Variants in NECTIN3 observed in about 807,000 individuals in gnomAD.
The protein encoded by NECTIN3 is nectin-3.
Under a neutral mutation model 49.4 loss-of-function variants are expected in NECTIN3, and 8 were observed. The ratio of observed to expected loss-of-function variants is 0.16; its 90% CI spans 0.10 to 0.29. The LOEUF (loss-of-function observed/expected upper bound fraction) is 0.29, where lower values mean the gene tolerates loss of function less well. Ranked by LOEUF, NECTIN3 falls within the 10% of genes least tolerant of loss-of-function variation. NECTIN3 has a pLI of 1.00. For missense variants in NECTIN3, 581 were observed against 654.6 expected (o/e 0.89, Z 1.23); for synonymous variants, 277 against 241.1 (o/e 1.15, Z -1.38).
At chr3:111,161,416 A>G (rs772234403) in intron 7 of NECTIN3, among the ~76,000 whole-genome samples, 15 of 152,246 alleles carry the variant, frequency 9.9e-5, no homozygotes, top group African/African-American at 2.9e-4. Context: ...TATATTTCAC[A>G]CAGAATTGGT....
chr3:111,149,148 A>T (rs1360197765), intron 7 of NECTIN3, among the ~76,000 whole-genome samples: 1 of 152,128 alleles, frequency 6.6e-6, no homozygotes, highest in Non-Finnish European at 1.5e-5. Flanking sequence ...ATAAATTCTC[A>T]TACATATTAG....
At position 111,072,706 on chromosome 3, in the gene NECTIN3, C is replaced by G. The variant is rs185746735; in HGVS notation, c.160+529C>G. 61 of 880,726 alleles carry G rather than the reference C, an allele frequency of 6.9e-5. 1 individual carries two copies. The highest frequency in any genetic ancestry group is 4.1e-4 in the Admixed American group (17 of 41,024). The allele number at this position is 880,726 out of a possible 1,614,324, so 54.6% of individuals were successfully genotyped here. ...TCCCCTACAGCTAGTTTTCTTCTGT[C>G]TTGTGCCCACTCCCCCGGCTCTGCC... On this transcript the variant is annotated intron_variant, in intron 1 of 5. Coordinates refer to ENST00000485303, the MANE Select transcript of NECTIN3 (RefSeq NM_015480.3).
At chr3:111,091,893 G>A (rs1346360272) in intron 1 of NECTIN3, among the ~76,000 whole-genome samples, 1 of 152,142 alleles carries the variant, frequency 6.6e-6, no homozygotes, top group Non-Finnish European at 1.5e-5. Context: ...TTCCAAAGGG[G>A]CTATACCATT....
upstream of NECTIN3, among the ~76,000 whole-genome samples, chr3:111,188,837 G>A (rs774509319): frequency 5.3e-5 from 8 of 151,970 alleles, no homozygotes; most frequent in African/African-American, 1.5e-4. Context: ...TTTATTTTCC[G>A]GTCATGTTAA....
chr3:111,106,705 A>G (rs547488650), intron 1 of NECTIN3, among the ~76,000 whole-genome samples: 37 of 152,324 alleles, frequency 2.4e-4, no homozygotes, highest in African/African-American at 8.4e-4. Context: ...TTACCTTGCT[A>G]GTTTGTTAAT....
chr3:111,102,038 C>T (rs2032933350), intron 1 of NECTIN3, among the ~76,000 whole-genome samples: 1 of 152,142 alleles, frequency 6.6e-6, no homozygotes, highest in African/African-American at 2.4e-5. Context: ...GCAAATGATA[C>T]TGTCCCTTAT....
intron 5 of NECTIN3, among the ~76,000 whole-genome samples, chr3:111,126,624 A>G (rs1186665730): frequency 2.6e-5 from 4 of 152,158 alleles, no homozygotes; most frequent in Non-Finnish European, 5.9e-5. Flanking sequence ...TTTCTTTAAT[A>G]CATAGTATGA....
chr3:111,094,874 G>A (rs547444183), intron 1 of NECTIN3, among the ~76,000 whole-genome samples: 3 of 152,140 alleles, frequency 2.0e-5, no homozygotes, highest in Non-Finnish European at 4.4e-5. Context: ...CACAAAGAGT[G>A]AACTATCATC....
chr3:111,189,900 C>T (rs1285448362), upstream of NECTIN3, among the ~76,000 whole-genome samples: 2 of 152,138 alleles, frequency 1.3e-5, no homozygotes, highest in African/African-American at 4.8e-5. Context: ...GCCCAGGCAT[C>T]TGCCTGGGCT....
At chr3:111,115,271 A>G (rs2033644956) in intron 2 of NECTIN3, among the ~76,000 whole-genome samples, 2 of 152,234 alleles carry the variant, frequency 1.3e-5, no homozygotes, top group African/African-American at 4.8e-5. Flanking sequence ...TTGATTGTTC[A>G]AAGGATTTAT....
At chr3:111,162,047 TTC>T (rs767147350) in intron 7 of NECTIN3, among the ~76,000 whole-genome samples, 6 of 152,146 alleles carry the variant, frequency 3.9e-5, no homozygotes, top group Non-Finnish European at 8.8e-5. Context: ...GATCCTTCCA[TTC>T]TGATCCCAAC....
chr3:111,107,189 C>T (rs529207079), intron 1 of NECTIN3, among the ~76,000 whole-genome samples: 65 of 152,056 alleles, frequency 4.3e-4, no homozygotes, highest in Non-Finnish European at 6.0e-4. Context: ...CAAGCATCTT[C>T]TTGAATGTGT....
intron 7 of NECTIN3, chr3:111,147,495 A>C: frequency 3.4e-6 from 5 of 1,478,026 alleles, no homozygotes; most frequent in Non-Finnish European, 4.6e-6. Context: ...GTATGTGTTC[A>C]TGAGTACACT....
intron 7 of NECTIN3, among the ~76,000 whole-genome samples, chr3:111,169,732 C>A (rs1576177004): frequency 6.6e-6 from 1 of 151,924 alleles, no homozygotes; most frequent in East Asian, 1.9e-4. Context: ...AGAATTAGGG[C>A]AACAGTGTTA....
chr3:111,183,701 C>T (rs937815694), intron 7 of NECTIN3, among the ~76,000 whole-genome samples: 2 of 151,898 alleles, frequency 1.3e-5, no homozygotes, highest in African/African-American at 4.8e-5. Context: ...CTTCTGTACT[C>T]CTTTTTTTTC....
intron 4 of NECTIN3, among the ~76,000 whole-genome samples, chr3:111,123,186 A>T (rs1177519089): frequency 6.6e-6 from 1 of 152,114 alleles, no homozygotes; most frequent in African/African-American, 2.4e-5. Context: ...AACAATAAAA[A>T]TATGTTATTT....
At chr3:111,176,198 G>A (rs892171452) in intron 7 of NECTIN3, among the ~76,000 whole-genome samples, 4 of 152,274 alleles carry the variant, frequency 2.6e-5, no homozygotes, top group Admixed American at 6.5e-5. Context: ...ATCTAAGTCA[G>A]TATCACTATG....
intron 7 of NECTIN3, among the ~76,000 whole-genome samples, chr3:111,154,590 A>G (rs542078907): frequency 3.9e-5 from 6 of 152,282 alleles, no homozygotes; most frequent in Admixed American, 3.3e-4. Flanking sequence ...GTGATCCTAA[A>G]TGGTTTTACC....
At chr3:111,144,947 T>A in exon 6 of NECTIN3, 1 of 1,536,334 alleles carries the variant, frequency 6.5e-7, no homozygotes, top group Non-Finnish European at 8.7e-7. Flanking sequence ...GGAGCGGTAA[T>A]TGGAGCTGTT....
Sources: allele counts gnomAD v4.1 joint callset (sites outside exome capture counted in the v4.1 genomes callset), GRCh38; gene constraint gnomAD v4.1.1; transcripts MANE v1.5; gene names NCBI Gene and HGNC (gene_info 2026-07-23, HGNC 2026-07-21).